SAG: variants seen among roughly 807,000 people sequenced by gnomAD.
The protein encoded by SAG is S-antigen visual arrestin, also known as S-arrestin.
SAG carries 45 observed loss-of-function variants against 55.0 expected under a neutral mutation model. The observed-to-expected ratio is 0.82, with a 90% CI of 0.64 to 1.05. SAG has a LOEUF of 1.05. SAG is among the 50% of genes least tolerant of loss of function. The pLI, the probability that SAG is intolerant of heterozygous loss-of-function variation, is 0.00. For synonymous variants in SAG, 189 were observed against 197.4 expected, an observed-to-expected ratio of 0.96 and a Z score of 0.36; for missense variants, 455 against 512.1, an observed-to-expected ratio of 0.89 and a Z score of 1.08.
chr2:233,329,816 C>A (rs918447106), intron 9 of SAG, among the ~76,000 whole-genome samples: 4 of 152,236 alleles, frequency 2.6e-5, no homozygotes, highest in African/African-American at 9.6e-5. Flanking sequence ...GGCAAGTGAT[C>A]TCTTTCCATG....
chr2:233,328,419 AGCCTCCCTAAAGCG>A, intron 7 of SAG, 45 bp from the exon 8 acceptor site: 1 of 1,580,118 alleles, frequency 6.3e-7, no homozygotes, highest in Non-Finnish European at 8.6e-7. Flanking sequence ...AGAGAACAGA[AGCCTCCCTAAAGCG>A]GCCTGGGTGC....
chr2:233,328,373 G>T, intron 7 of SAG, 105 bp from the exon 8 acceptor site: 1 of 1,378,586 alleles, frequency 7.3e-7, no homozygotes, highest in Non-Finnish European at 1.0e-6. Flanking sequence ...GTCTCCATGG[G>T]GAGCATTCCT....
In SAG at chr2:233,319,529, G is replaced by C; in HGVS notation, c.181+734G>C. 20 of 962,184 alleles carry C rather than the reference G, an allele frequency of 2.1e-5. No individual in the cohort carries two copies. The highest frequency in any genetic ancestry group is 2.4e-5 in the Non-Finnish European group (19 of 806,232). The allele number at this position is 962,184 out of a possible 1,614,324, so 59.6% of individuals were successfully genotyped here. On this transcript the variant is annotated intron_variant, in intron 4 of 15. Transcript: ENST00000409110. This position sits in a 1 kb window ranked among gnomAD's most constrained non-coding sequence, Gnocchi z 4.4. ...GAGTGTTGCTACTGGCAACATCAAGGAATTGTTCAGAACCCTGGATGTGCC... is the reference window on the plus strand; with the variant it reads ...GAGTGTTGCTACTGGCAACATCAAGCAATTGTTCAGAACCCTGGATGTGCC...
chr2:233,320,569 T>G, intron 4 of SAG, 61 bp from the exon 5 acceptor site: 1 of 1,337,324 alleles, frequency 7.5e-7, no homozygotes, highest in African/African-American at 1.5e-5. Flanking sequence ...GCCCATTCCG[T>G]CAGTGGTGGT....
At position 233,340,588 on chromosome 2, in the gene SAG, C is replaced by A; in HGVS notation, c.1046+110C>A. ...AAGCTGCTTTCTGGACAGTTGTGCTCAGAGGTGTTAGGAATGATGCTTTGC... is the reference window on the plus strand; with the variant it reads ...AAGCTGCTTTCTGGACAGTTGTGCTAAGAGGTGTTAGGAATGATGCTTTGC... On this transcript the variant is annotated intron_variant, in intron 13 of 15. Transcript: ENST00000409110. This position sits in a 1 kb window ranked among gnomAD's most constrained non-coding sequence, Gnocchi z 4.2. The A allele has an allele frequency of 1.2e-6, 1 of 843,864 alleles. No homozygotes were observed. The allele number at this position is 843,864 out of a possible 1,614,324, so 52.3% of individuals were successfully genotyped here.
Position 233,329,504 on chromosome 2 carries a change from T to A in SAG, c.660T>A (p.His220Gln). The A allele has an allele frequency of 6.2e-7, 1 of 1,611,878 alleles. No individual in the cohort carries two copies. Among genetic ancestry groups the A allele is most frequent in the Non-Finnish European group, 8.5e-7 (1 of 1,177,944 alleles). The change falls in exon 9 of 16, where the codon CAT becomes CAA. Residue 220 changes from histidine to glutamine, a missense_variant. By Grantham distance (24) the His-to-Gln change is conservative. Transcript: ENST00000409110. ...AVSLNKEIYF[H>Q]GEPIPVTVTV... The stretch of plus-strand genomic sequence containing the variant: ...GCTGACTTTTCTAGATCTATTTCCA[T>A]GGGGAGCCCATCCCTGTGACCGTGA...
At chr2:233,335,598 C>CATTT (rs10683538) in intron 11 of SAG, among the ~76,000 whole-genome samples, 3 of 152,126 alleles carry the variant, frequency 2.0e-5, no homozygotes, top group Non-Finnish European at 4.4e-5. Flanking sequence ...TTCATTCATT[C>CATTT]GTCCATTTCC....
chr2:233,316,528 C>G (rs1700220262), intron 3 of SAG, among the ~76,000 whole-genome samples: 1 of 151,940 alleles, frequency 6.6e-6, no homozygotes, highest in Non-Finnish European at 1.5e-5. Context: ...CCAGGCTGGT[C>G]TCAAACTCCT....
At chr2:233,342,511 C>T (rs975569982) in intron 14 of SAG, 185 bp downstream of exon 14, 6 of 607,398 alleles carry the variant, frequency 9.9e-6, no homozygotes, top group South Asian at 3.9e-5. Context: ...AGCGCTGAGC[C>T]GGGTAGATTA....
chr2:233,314,445 A>G (rs1325270147), intron 2 of SAG, among the ~76,000 whole-genome samples: 1 of 152,148 alleles, frequency 6.6e-6, no homozygotes, highest in Non-Finnish European at 1.5e-5. Flanking sequence ...CATCTGGCCC[A>G]CCTTGCCCAG....
rs190271038 is a variant in SAG, at chr2:233,340,809, T to C, written c.1046+331T>C. ...AATACACATAACATAAATTTTACCA[T>C]TATATTATTTATTTTATTTTTTGAG... On this transcript the variant is annotated intron_variant, in intron 13 of 15. Coordinates refer to ENST00000409110, the MANE Select transcript of SAG (RefSeq NM_000541.5). The surrounding 1 kb of genome is among the most constrained non-coding windows in gnomAD (Gnocchi z 4.2). Among the ~76,000 whole-genome samples the C allele has an allele frequency of 1.4e-3, 219 of 152,186 alleles. No homozygotes were observed. Among genetic ancestry groups the C allele is most frequent in the Middle Eastern group, 6.8e-3 (2 of 294 alleles).
At chr2:233,339,556 T>C (rs2879925) in intron 12 of SAG, among the ~76,000 whole-genome samples, 52,798 of 147,454 alleles carry the variant, frequency 0.36, 11,419 homozygotes, top group Non-Finnish European at 0.49. Context: ...TTTTTTTTTT[T>C]CACTGTGGAT....
chr2:233,321,152 C>T (rs1700369307), intron 5 of SAG, among the ~76,000 whole-genome samples: 1 of 152,148 alleles, frequency 6.6e-6, no homozygotes, highest in East Asian at 1.9e-4. Context: ...CTGGGGAGTT[C>T]TAAGTAGGAA....
rs1022172276 is a variant in SAG, at chr2:233,346,980, T to G, written c.*68T>G. The G allele has an allele frequency of 5.8e-6, 5 of 865,168 alleles. No individual in the cohort carries two copies. Among genetic ancestry groups the G allele is most frequent in the Non-Finnish European group, 9.5e-6 (5 of 528,498 alleles). 53.6% of individuals were successfully genotyped at this position (865,168 alleles called of 1,614,324 possible). On this transcript the variant is annotated 3_prime_UTR_variant, in exon 16 of 16. Coordinates refer to ENST00000409110, the MANE Select transcript of SAG (RefSeq NM_000541.5). ...GTGCAACGAGCAAAGCCCCACAGTT[T>G]AGTCCTTTGGAGTTATGCTGCGTAT...
At chr2:233,314,786 C>T (rs1166550743) in intron 2 of SAG, among the ~76,000 whole-genome samples, 2 of 152,142 alleles carry the variant, frequency 1.3e-5, no homozygotes, top group Non-Finnish European at 2.9e-5. Flanking sequence ...CACAGGGCTA[C>T]GCTTCGGGAC....
intron 6 of SAG, among the ~76,000 whole-genome samples, chr2:233,324,825 A>G (rs549898957): frequency 6.6e-6 from 1 of 152,304 alleles, no homozygotes; most frequent in African/African-American, 2.4e-5. Context: ...ATAGGTGATG[A>G]CAAGGGCAGT....
At chr2:233,339,979 C>T (rs1479368675) in intron 12 of SAG, among the ~76,000 whole-genome samples, 2 of 143,890 alleles carry the variant, frequency 1.4e-5, no homozygotes, top group Non-Finnish European at 3.0e-5. Flanking sequence ...TTTTTTGAGA[C>T]GGAGTCTTAT....
intron 6 of SAG, among the ~76,000 whole-genome samples, chr2:233,323,477 C>CCTCA (rs1700449233): frequency 6.6e-6 from 1 of 152,118 alleles, no homozygotes; most frequent in South Asian, 2.1e-4. Context: ...GATTCTTCTG[C>CCTCA]CTCAGCCTCC....
chr2:233,313,506 T>G (rs890218479), intron 2 of SAG, among the ~76,000 whole-genome samples: 5 of 144,856 alleles, frequency 3.5e-5, no homozygotes, highest in East Asian at 3.9e-4. Flanking sequence ...ATTGGTTGAT[T>G]TGGGGAGAAT....
Sources: gnomAD v4.1 joint callset for allele counts (sites outside exome capture counted in the v4.1 genomes callset) on GRCh38, gnomAD v4.1.1 for gene constraint, Gnocchi (gnomAD v3.1) non-coding constraint, MANE v1.5 for transcripts, NCBI Gene and HGNC (gene_info 2026-07-23, HGNC 2026-07-21) for gene names.